Variants in WFDC1 observed in about 807,000 individuals in gnomAD.
WFDC1 encodes the protein WAP four-disulfide core domain 1.
In WFDC1, 39 loss-of-function variants were observed where a neutral mutation model predicts 32.9. That is an observed-to-expected ratio of 1.19 (90% CI 0.92 to 1.55). The LOEUF is 1.55. Among genes scored for constraint, WFDC1 ranks in the 40% most tolerant of loss-of-function variants. The pLI is 0.00. For missense variants in WFDC1, 386 were observed against 309.5 expected (o/e 1.25, Z -1.85); for synonymous variants, 184 against 137.4 (o/e 1.34, Z -2.37).
chr16:84,319,348 C>T lies in WFDC1; in HGVS notation c.422-83C>T, dbSNP rs545607562. Reference sequence around the variant, plus strand: ...TGAGGTGCGTTCCCTGCACCCGTCCCGGGAGTCTGCCTTCTAGACCCTAGC... The same window carrying T: ...TGAGGTGCGTTCCCTGCACCCGTCCTGGGAGTCTGCCTTCTAGACCCTAGC... On this transcript the variant is annotated intron_variant, in intron 3 of 6. Coordinates refer to ENST00000219454, the MANE Select transcript of WFDC1 (RefSeq NM_021197.4). The T allele has an allele frequency of 2.3e-5, 36 of 1,549,156 alleles. 1 individual carries two copies. The highest frequency in any genetic ancestry group is 1.7e-4 in the Middle Eastern group (1 of 5,840).
At chr16:84,299,043 A>G (rs1906775927) in intron 1 of WFDC1, among the ~76,000 whole-genome samples, 1 of 152,156 alleles carries the variant, frequency 6.6e-6, no homozygotes, top group African/African-American at 2.4e-5. Context: ...CATGTGCACT[A>G]CGGACAGATT....
At chr16:84,308,231 G>C (rs1402488543) in intron 1 of WFDC1, among the ~76,000 whole-genome samples, 1 of 150,854 alleles carries the variant, frequency 6.6e-6, no homozygotes. Context: ...GGCTCCCTGG[G>C]GGCAGCTGAA....
At chr16:84,301,493 C>T (rs8048176) in intron 1 of WFDC1, among the ~76,000 whole-genome samples, 6,557 of 152,180 alleles carry the variant, frequency 0.043, 427 homozygotes, top group African/African-American at 0.14. Context: ...TGAGCTCACA[C>T]CCTGCGGGAC....
At chr16:84,312,220 G>A (rs1034609543) in intron 1 of WFDC1, among the ~76,000 whole-genome samples, 3 of 152,094 alleles carry the variant, frequency 2.0e-5, no homozygotes, top group Non-Finnish European at 2.9e-5. Context: ...TAAATCCTAC[G>A]TGTTCAGCTC....
intron 1 of WFDC1, among the ~76,000 whole-genome samples, chr16:84,305,808 C>G (rs896556894): frequency 1.8e-4 from 27 of 151,514 alleles, no homozygotes; most frequent in African/African-American, 6.3e-4. Context: ...TCAAGACCAT[C>G]CTGGGCAACA....
intron 3 of WFDC1, 147 bp from the exon 4 acceptor site, chr16:84,319,284 C>A: frequency 9.0e-7 from 1 of 1,117,170 alleles, no homozygotes; most frequent in Non-Finnish European, 1.2e-6. Context: ...AGGGCCTAGC[C>A]TGGAACCTGG....
chr16:84,321,368 C>T, intron 4 of WFDC1, among the ~76,000 whole-genome samples: 1 of 152,146 alleles, frequency 6.6e-6, no homozygotes, highest in East Asian at 1.9e-4. Context: ...GTGTATGGTC[C>T]TTTGGAGGTA....
At chr16:84,325,029 A>T (rs950302331) in intron 5 of WFDC1, among the ~76,000 whole-genome samples, 1 of 151,798 alleles carries the variant, frequency 6.6e-6, no homozygotes, top group African/African-American at 2.4e-5. Context: ...CCATCCATCC[A>T]CATATTCATC....
At chr16:84,318,936 G>A (rs7190397) in intron 3 of WFDC1, 3,149 of 194,164 alleles carry the variant, frequency 0.016, 109 homozygotes, top group African/African-American at 0.071. Context: ...GTGTGTGTGT[G>A]TGTGTGCATG....
At chr16:84,310,301 T>A (rs961854054) in intron 1 of WFDC1, among the ~76,000 whole-genome samples, 1 of 151,858 alleles carries the variant, frequency 6.6e-6, no homozygotes, top group Non-Finnish European at 1.5e-5. Flanking sequence ...CGGGGAATGG[T>A]CCCTCTGGAA....
chr16:84,319,327 G>T, intron 3 of WFDC1, 104 bp from the exon 4 acceptor site: 2 of 1,502,564 alleles, frequency 1.3e-6, no homozygotes, highest in Non-Finnish European at 1.8e-6. Context: ...TCTGGGTGAG[G>T]TGCGTTCCCT....
intron 1 of WFDC1, among the ~76,000 whole-genome samples, chr16:84,304,971 A>G (rs1907164466): frequency 6.6e-6 from 1 of 152,362 alleles, no homozygotes; most frequent in African/African-American, 2.4e-5. Context: ...TCCCAGTTCC[A>G]GGCTCCTGGG....
intron 1 of WFDC1, among the ~76,000 whole-genome samples, chr16:84,306,308 A>T (rs1907254393): frequency 6.6e-6 from 1 of 152,202 alleles, no homozygotes; most frequent in African/African-American, 2.4e-5. Flanking sequence ...ATAAGAGATC[A>T]TGAGCTTCGG....
intron 4 of WFDC1, among the ~76,000 whole-genome samples, chr16:84,320,460 C>G (rs1056008517): frequency 2.0e-5 from 3 of 152,188 alleles, no homozygotes; most frequent in Non-Finnish European, 2.9e-5. Flanking sequence ...AATTTGTGTT[C>G]GTCTTTGGAC....
At chr16:84,313,793 A>G (rs1180879246) in intron 2 of WFDC1, among the ~76,000 whole-genome samples, 1 of 152,196 alleles carries the variant, frequency 6.6e-6, no homozygotes, top group Non-Finnish European at 1.5e-5. Context: ...CACTTTCTTG[A>G]GTCTCCTCTC....
At chr16:84,316,242 A>C (rs750039710) in intron 2 of WFDC1, 24 of 152,192 alleles carry the variant, frequency 1.6e-4, no homozygotes, top group Non-Finnish European at 1.8e-4. Flanking sequence ...TCCAACTTCC[A>C]TGTCATTATA....
intron 2 of WFDC1, chr16:84,317,285 T>A: frequency 6.9e-6 from 1 of 144,148 alleles, no homozygotes; most frequent in African/African-American, 2.6e-5. Context: ...AGAACAAGAC[T>A]CTGTCTCAAA....
intron 2 of WFDC1, chr16:84,318,019 T>G: frequency 2.4e-6 from 1 of 421,192 alleles, no homozygotes; most frequent in South Asian, 2.7e-5. Flanking sequence ...AGTTGCATGG[T>G]CACTGCTGCT....
chr16:84,303,039 G>A (rs1414074911), intron 1 of WFDC1, among the ~76,000 whole-genome samples: 1 of 118,744 alleles, frequency 8.4e-6, no homozygotes, highest in African/African-American at 3.1e-5. Context: ...TTTTTTTTTG[G>A]CCTCCCTCTG....
Sources: gnomAD v4.1 joint callset for allele counts (sites outside exome capture counted in the v4.1 genomes callset) on GRCh38, gnomAD v4.1.1 for gene constraint, MANE v1.5 for transcripts, NCBI Gene and HGNC (gene_info 2026-07-23, HGNC 2026-07-21) for gene names.